Variants in ERC1 observed in about 807,000 individuals in gnomAD.
ERC1 encodes the protein RAB6 interacting protein 2.
In ERC1, 56 loss-of-function variants were observed where a neutral mutation model predicts 132.0. The ratio of observed to expected loss-of-function variants is 0.42; its 90% CI spans 0.34 to 0.53. The LOEUF (loss-of-function observed/expected upper bound fraction) is 0.53, where lower values mean the gene tolerates loss of function less well. Among genes scored for constraint, ERC1 ranks in the 20% least tolerant of loss-of-function variants. The pLI is 0.03. For missense variants in ERC1, 1,202 were observed against 1,349.9 expected, an observed-to-expected ratio of 0.89 and a Z score of 1.72; for synonymous variants, 478 against 476.1, an observed-to-expected ratio of 1.00 and a Z score of -0.05.
chr12:1,408,975 T>C (rs1244092899), intron 17 of ERC1, among the ~76,000 whole-genome samples: 9 of 151,962 alleles, frequency 5.9e-5, no homozygotes, highest in Non-Finnish European at 2.9e-5. Context: ...TCTTAAAATA[T>C]GTAGCTAAGG....
chr12:1,015,421 G>A (rs1391404138), intron 1 of ERC1, among the ~76,000 whole-genome samples: 1 of 151,990 alleles, frequency 6.6e-6, no homozygotes, highest in Non-Finnish European at 1.5e-5. Context: ...TTAAACAGCA[G>A]CATTGTCTTT....
intron 15 of ERC1, among the ~76,000 whole-genome samples, chr12:1,320,407 A>G (rs1227565543): frequency 6.6e-6 from 1 of 152,162 alleles, no homozygotes; most frequent in Non-Finnish European, 1.5e-5. Context: ...TGACTTTTAT[A>G]TTTGAGATAT....
intron 15 of ERC1, among the ~76,000 whole-genome samples, chr12:1,349,578 C>T (rs762476846): frequency 2.1e-4 from 32 of 150,892 alleles, no homozygotes; most frequent in Non-Finnish European, 4.4e-4. Flanking sequence ...GCAGGTGAAT[C>T]GCTTGAACCC....
intron 17 of ERC1, among the ~76,000 whole-genome samples, chr12:1,416,197 C>A (rs1445140076): frequency 6.6e-6 from 1 of 152,128 alleles, no homozygotes; most frequent in East Asian, 1.9e-4. Context: ...GTAGGTTACC[C>A]AAGACAGACC....
At chr12:1,134,437 C>G (rs1949059750) in intron 7 of ERC1, among the ~76,000 whole-genome samples, 1 of 151,494 alleles carries the variant, frequency 6.6e-6, no homozygotes, top group Non-Finnish European at 1.5e-5. Flanking sequence ...GCCTTGAACT[C>G]CTGGGCTCAA....
intron 2 of ERC1, among the ~76,000 whole-genome samples, chr12:1,042,667 C>A (rs1206698355): frequency 6.6e-6 from 1 of 151,674 alleles, no homozygotes; most frequent in Non-Finnish European, 1.5e-5. Flanking sequence ...TTTTTTAAAC[C>A]CAGTTGCATT....
rs772809702 is a variant in ERC1, at chr12:1,028,228, A to T, written c.325A>T (p.Ser109Cys). 2.5e-6 allele frequency: 4 copies of T among 1,614,160 alleles called. No homozygotes were observed. Among genetic ancestry groups the T allele is most frequent in the Admixed American group, 1.7e-5 (1 of 60,018 alleles). ...PYGVRMTAMG[S>C]SPNIASSGVA... ...CGGTGTTCGGATGACTGCTATGGGT[A>T]GTAGCCCCAATATAGCTAGCAGTGG... Residue 109 changes from serine to cysteine, a missense_variant, in exon 2 of 19, where the codon AGT (serine) becomes TGT (cysteine). Transcript: ENST00000360905.
intron 8 of ERC1, among the ~76,000 whole-genome samples, chr12:1,179,772 G>A (rs1296818180): frequency 6.6e-6 from 1 of 152,138 alleles, no homozygotes; most frequent in Non-Finnish European, 1.5e-5. Flanking sequence ...CTCCCAAAGT[G>A]CTGGGATTAC....
rs189051031 is a variant in ERC1 at position 1,304,853 on chromosome 12, G to T, written c.2780+14841G>T. Among the ~76,000 whole-genome samples the T allele has an allele frequency of 2.2e-5, 3 of 135,370 alleles. No homozygotes were observed. The Admixed American group carries it at 2.4e-4, about 11-fold the overall frequency. The allele number at this position is 135,370 out of a possible 152,430, so 88.8% of individuals were successfully genotyped here. On this transcript the variant is annotated intron_variant, in intron 15 of 18. Transcript: ENST00000360905. ...TGCCCGGGCTGGAGTACAGTGGCGT[G>T]ATCTCGGCTCACTGCAAGCTCCGCC...
At chr12:1,487,809 C>CGAGAGA (rs1555132933) in intron 18 of ERC1, among the ~76,000 whole-genome samples, 2 of 145,764 alleles carry the variant, frequency 1.4e-5, no homozygotes, top group African/African-American at 2.6e-5. Context: ...AGAAAAGAAA[C>CGAGAGA]GAGAGAGAGA....
In ERC1 at chr12:1,115,866, A is replaced by T; in HGVS notation, c.1402A>T (p.Ile468Phe). The T allele has an allele frequency of 6.2e-7, 1 of 1,612,356 alleles. No homozygotes were observed. The highest frequency in any genetic ancestry group is 8.5e-7 in the Non-Finnish European group (1 of 1,179,312). ...KKKAAGLQAE[I>F]GQVKQELSRK... ...TTAAAGTGTTTTACTTCTTTTCTAG[A>T]TTGGCCAGGTGAAACAGGAGCTGTC... The change falls in exon 7 of 19, where the codon ATT becomes TTT. Residue 468 changes from isoleucine (I) to phenylalanine (F), a missense_variant and splice_region_variant. Coordinates refer to ENST00000360905, the MANE Select transcript of ERC1 (RefSeq NM_178040.4).
chr12:1,476,428 G>GA (rs2093976884), intron 18 of ERC1, among the ~76,000 whole-genome samples: 1 of 151,032 alleles, frequency 6.6e-6, no homozygotes, highest in Non-Finnish European at 1.5e-5. Flanking sequence ...CTCTTCAAAA[G>GA]AAAAAAAAGA....
chr12:1,153,164 G>A (rs1950991016), intron 8 of ERC1: 1 of 152,252 alleles, frequency 6.6e-6, no homozygotes, highest in South Asian at 2.1e-4. Flanking sequence ...CATCAGAAGA[G>A]CAAACCACAA....
intron 2 of ERC1, among the ~76,000 whole-genome samples, chr12:1,030,346 T>C (rs1967779998): frequency 6.6e-6 from 1 of 152,324 alleles, no homozygotes; most frequent in Non-Finnish European, 1.5e-5. Context: ...ATGATCTGTG[T>C]CTCTGATGAA....
intron 12 of ERC1, among the ~76,000 whole-genome samples, chr12:1,210,636 GTTA>G (rs973492604): frequency 6.6e-6 from 1 of 152,080 alleles, no homozygotes; most frequent in Non-Finnish European, 1.5e-5. Context: ...ATATGGGATT[GTTA>G]TTATTATTTT....
intron 15 of ERC1, among the ~76,000 whole-genome samples, chr12:1,302,978 T>C (rs1157682965): frequency 6.6e-6 from 1 of 152,088 alleles, no homozygotes; most frequent in South Asian, 2.1e-4. Flanking sequence ...GAAAAAGTTA[T>C]ATGTACACTA....
chr12:1,239,050 G>A (rs1440441320), intron 13 of ERC1, among the ~76,000 whole-genome samples: 1 of 152,018 alleles, frequency 6.6e-6, no homozygotes, highest in Non-Finnish European at 1.5e-5. Context: ...GGATACTTAG[G>A]ATCTGATCTC....
intron 13 of ERC1, among the ~76,000 whole-genome samples, chr12:1,240,186 G>C (rs1319695186): frequency 1.3e-5 from 2 of 152,180 alleles, no homozygotes; most frequent in Admixed American, 1.3e-4. Flanking sequence ...AAACTTCATT[G>C]TGAGACTATA....
intron 3 of ERC1, among the ~76,000 whole-genome samples, chr12:1,094,429 G>GAGTCTCACTT (rs1565950886): frequency 1.7e-5 from 1 of 58,948 alleles, no homozygotes. Context: ...TTTTTTTTTG[G>GAGTCTCACTT]CAACAGAGTC....
Sources: gnomAD v4.1 joint callset for allele counts (sites outside exome capture counted in the v4.1 genomes callset) on GRCh38, gnomAD v4.1.1 for gene constraint, MANE v1.5 for transcripts, NCBI Gene and HGNC (gene_info 2026-07-23, HGNC 2026-07-21) for gene names.